Variants in CAND2 observed in about 807,000 individuals in gnomAD.
CAND2 encodes cullin-associated NEDD8-dissociated protein 2.
In CAND2, 62 loss-of-function variants were observed where a neutral mutation model predicts 98.9. The observed-to-expected ratio is 0.63, with a 90% CI of 0.51 to 0.77. The LOEUF (loss-of-function observed/expected upper bound fraction) is 0.77. Among genes scored for constraint, CAND2 ranks in the 30% least tolerant of loss-of-function variants. The pLI is 0.00. For missense variants in CAND2, 1,501 were observed against 1,655.2 expected (o/e 0.91, Z 1.62); for synonymous variants, 770 against 731.9 (o/e 1.05, Z -0.84).
At chr3:12,827,358 G>C (rs111789140) in intron 12 of CAND2, 82 bp from the exon 13 acceptor site, 35,079 of 1,343,146 alleles carry the variant, frequency 0.026, 556 homozygotes, top group Middle Eastern at 0.047. Context: ...TTGTGGAATA[G>C]AGATGTGGGG....
chr3:12,807,848 C>T (rs2061819434), intron 3 of CAND2, among the ~76,000 whole-genome samples: 1 of 152,178 alleles, frequency 6.6e-6, no homozygotes, highest in Non-Finnish European at 1.5e-5. Context: ...TTCCCAGAAA[C>T]CCCCAGAGGA....
At position 12,810,051 on chromosome 3, in the gene CAND2, C is replaced by A; in HGVS notation, c.492-8C>A. The A allele has an allele frequency of 7.1e-7, 1 of 1,410,302 alleles. No homozygotes were observed. The highest frequency in any genetic ancestry group is 9.2e-7 in the Non-Finnish European group (1 of 1,083,772). 87.4% of individuals were successfully genotyped at this position (1,410,302 alleles called of 1,614,324 possible). A position where few individuals can be genotyped will look rare whatever the true frequency, so the allele number is the denominator to read the frequency against. On this transcript the variant is annotated splice_polypyrimidine_tract_variant and splice_region_variant and intron_variant, in intron 4 of 14. Coordinates refer to ENST00000456430, the MANE Select transcript of CAND2 (RefSeq NM_001162499.2). ...GCGATCGGCCTGATGCCCCCTCGTG[C>A]TCCCCAGGCTGGGTGTCCCGCTGGG...
chr3:12,798,599 C>A (rs1482102481), intron 1 of CAND2, among the ~76,000 whole-genome samples: 1 of 152,082 alleles, frequency 6.6e-6, no homozygotes, highest in African/African-American at 2.4e-5. Flanking sequence ...AGTGACTTGC[C>A]CAAGGTCACA....
chr3:12,808,118 A>C, intron 3 of CAND2, 92 bp from the exon 4 acceptor site: 1 of 1,470,378 alleles, frequency 6.8e-7, no homozygotes, highest in Non-Finnish European at 9.2e-7. Context: ...ATGTGGGCTC[A>C]GGAACACAGC....
chr3:12,803,823 C>T (rs927827512), intron 2 of CAND2, among the ~76,000 whole-genome samples, 192 bp downstream of exon 2: 7 of 151,896 alleles, frequency 4.6e-5, no homozygotes, highest in Non-Finnish European at 1.0e-4. Flanking sequence ...ATTTGGGAGG[C>T]GCTCCCAGGA....
chr3:12,804,606 G>T lies in CAND2; in HGVS notation c.212+975G>T, dbSNP rs558259022. On this transcript the variant is annotated intron_variant, in intron 2 of 14. Coordinates refer to ENST00000456430, the MANE Select transcript of CAND2 (RefSeq NM_001162499.2). ...AGAAAAAGACAAGACAAGGGTATGT[G>T]CAGAGCACGTGGGGATGCTTGTGTG... Among the ~76,000 whole-genome samples the T allele has an allele frequency of 1.9e-4, 29 of 152,344 alleles. No individual in the cohort carries two copies. The South Asian group carries it at 6.0e-3, about 32-fold the overall frequency.
At chr3:12,830,077 G>A (rs1012327090) in intron 13 of CAND2, among the ~76,000 whole-genome samples, 28 of 152,112 alleles carry the variant, frequency 1.8e-4, no homozygotes, top group African/African-American at 2.9e-4. Context: ...CTCCTGCAGC[G>A]GGCGTGCCTC....
chr3:12,809,262 GC>G (rs2061830897), intron 4 of CAND2, among the ~76,000 whole-genome samples: 1 of 151,990 alleles, frequency 6.6e-6, no homozygotes, highest in African/African-American at 2.4e-5. Context: ...TCAAGCTGGG[GC>G]ATGTTGAACT....
At chr3:12,833,617 A>G in intron 14 of CAND2, 138 bp from the exon 15 acceptor site, 1 of 688,228 alleles carries the variant, frequency 1.5e-6, no homozygotes, top group Non-Finnish European at 2.5e-6. Flanking sequence ...GGTGAGACAG[A>G]AGCCTCAGGA....
At chr3:12,806,632 T>C (rs901111145) in intron 2 of CAND2, among the ~76,000 whole-genome samples, 7 of 152,154 alleles carry the variant, frequency 4.6e-5, no homozygotes, top group Non-Finnish European at 8.8e-5. Flanking sequence ...CAGGTAGGCA[T>C]TTTTTAGAGG....
At chr3:12,820,242 G>C in intron 11 of CAND2, 61 bp downstream of exon 11, 4 of 1,320,140 alleles carry the variant, frequency 3.0e-6, no homozygotes, top group South Asian at 1.3e-5. Flanking sequence ...CCTTGAGCTT[G>C]GGCTGATGTT....
In CAND2 at chr3:12,816,633, T is replaced by A; in HGVS notation, c.1701T>A (p.Val567=). The change falls in exon 10 of 15, where the codon GTT becomes GTA. Residue 567 remains valine, a synonymous_variant. Coordinates refer to ENST00000456430, the MANE Select transcript of CAND2 (RefSeq NM_001162499.2). ...GGATGCTGGATCCTGAGCCATATGT[T>A]GGAGAGATGTCTGCTGTCACCCTGG... ...RPRMLDPEPY[V]GEMSAVTLAR... The A allele has an allele frequency of 6.2e-7, 1 of 1,613,818 alleles. No individual in the cohort carries two copies.
At chr3:12,833,109 G>A (rs1382699411) in intron 14 of CAND2, among the ~76,000 whole-genome samples, 1 of 152,204 alleles carries the variant, frequency 6.6e-6, no homozygotes, top group Non-Finnish European at 1.5e-5. Flanking sequence ...CCAATGCCAA[G>A]CTGTTACCCA....
chr3:12,806,549 T>G (rs563814612), intron 2 of CAND2, among the ~76,000 whole-genome samples: 26 of 152,276 alleles, frequency 1.7e-4, no homozygotes, highest in Admixed American at 1.6e-3. Flanking sequence ...CTGGGGAATT[T>G]TAAAAGCCCT....
intron 13 of CAND2, among the ~76,000 whole-genome samples, chr3:12,828,081 G>A (rs1575782305): frequency 2.6e-5 from 4 of 151,980 alleles, no homozygotes; most frequent in East Asian, 3.9e-4. Flanking sequence ...GCATCTCTTC[G>A]TGTTGTGACC....
At chr3:12,824,445 C>T (rs975068693) in intron 11 of CAND2, among the ~76,000 whole-genome samples, 4 of 152,168 alleles carry the variant, frequency 2.6e-5, no homozygotes, top group South Asian at 2.1e-4. Context: ...GACAGAGAGA[C>T]GAGAGGCGGG....
At chr3:12,819,315 A>C (rs1448711785) in intron 10 of CAND2, among the ~76,000 whole-genome samples, 2 of 152,354 alleles carry the variant, frequency 1.3e-5, no homozygotes, top group South Asian at 4.1e-4. Flanking sequence ...GAGGCTGAAC[A>C]TAAAGCCTGT....
In CAND2 at chr3:12,825,621, G is replaced by A. The variant is rs1217678960; in HGVS notation, c.3192G>A (p.Arg1064=). Reference sequence around the variant, plus strand: ...TCCTCTACCAGGAGACAAAGATCCGGCGGGACCTCATCCGAGAGGTGTGGA... The same window carrying A: ...TCCTCTACCAGGAGACAAAGATCCGACGGGACCTCATCCGAGAGGTGTGGA... ...LPLLYQETKI[R]RDLIREVEMG... The change falls in exon 12 of 15, where the codon CGG becomes CGA. Residue 1064 remains arginine (R), a synonymous_variant. Transcript: ENST00000456430. The A allele has an allele frequency of 1.2e-6, 2 of 1,604,690 alleles. No individual in the cohort carries two copies. Among genetic ancestry groups the A allele is most frequent in the East Asian group, 4.5e-5 (2 of 44,652 alleles).
chr3:12,815,031 A>C lies in CAND2; in HGVS notation c.1007-110A>C. ...AGGGTATCTATAAATGCTGATCATC[A>C]AAAAGTGAAGCACAGTGCCCAGCTC... On this transcript the variant is annotated intron_variant, in intron 7 of 14. Coordinates refer to ENST00000456430, the MANE Select transcript of CAND2 (RefSeq NM_001162499.2). This position sits in a 1 kb window ranked among gnomAD's most constrained non-coding sequence, Gnocchi z 5.7. The C allele has an allele frequency of 8.9e-7, 1 of 1,125,558 alleles. No individual in the cohort carries two copies. The highest frequency in any genetic ancestry group is 1.3e-6 in the Non-Finnish European group (1 of 785,220). 69.7% of individuals were successfully genotyped at this position (1,125,558 alleles called of 1,614,324 possible).
Sources: gnomAD v4.1 joint callset for allele counts (sites outside exome capture counted in the v4.1 genomes callset) on GRCh38, gnomAD v4.1.1 for gene constraint, Gnocchi (gnomAD v3.1) non-coding constraint, MANE v1.5 for transcripts, NCBI Gene and HGNC (gene_info 2026-07-23, HGNC 2026-07-21) for gene names.